Variants in DDHD1 observed in about 807,000 individuals in gnomAD.
The protein encoded by DDHD1 is phospholipase DDHD1.
In DDHD1, 49 loss-of-function variants were observed where a neutral mutation model predicts 96.4. That is an observed-to-expected ratio of 0.51 (90% CI 0.40 to 0.64). The LOEUF is 0.64. Ranked by LOEUF, DDHD1 falls within the 30% of genes least tolerant of loss-of-function variation. The pLI is 0.00. For missense variants in DDHD1, 1,106 were observed against 1,161.2 expected (o/e 0.95, Z 0.69); for synonymous variants, 442 against 446.5 (o/e 0.99, Z 0.13).
At chr14:53,093,172 A>G (rs1318637064) in intron 3 of DDHD1, 144 bp downstream of exon 3, 14 of 746,242 alleles carry the variant, frequency 1.9e-5, no homozygotes, top group Non-Finnish European at 2.3e-5. Context: ...CAACTTAATA[A>G]AAGTTTCATT....
chr14:53,149,770 G>A (rs1017403557), intron 1 of DDHD1: 1 of 152,144 alleles, frequency 6.6e-6, no homozygotes, highest in African/African-American at 2.4e-5. Context: ...TTGGAGAAAG[G>A]GAAGTCCACA....
At chr14:53,118,650 T>C (rs1888737436) in intron 1 of DDHD1, among the ~76,000 whole-genome samples, 1 of 151,980 alleles carries the variant, frequency 6.6e-6, no homozygotes, top group South Asian at 2.1e-4. Context: ...CTCCAAGAAA[T>C]ATGGGACTAT....
chr14:53,048,966 AT>A (rs1321131747), intron 12 of DDHD1: 7 of 152,196 alleles, frequency 4.6e-5, no homozygotes, highest in African/African-American at 1.7e-4. Flanking sequence ...CCACTTCATA[AT>A]GTTTTCCTAG....
intron 2 of DDHD1, chr14:53,103,003 T>C (rs1328159897): frequency 1.3e-6 from 2 of 1,550,656 alleles, no homozygotes; most frequent in South Asian, 2.4e-5. Flanking sequence ...ATCTACAAAT[T>C]CTAATCTACC....
chr14:53,090,509 T>A (rs1886341700), intron 4 of DDHD1, among the ~76,000 whole-genome samples: 1 of 152,108 alleles, frequency 6.6e-6, no homozygotes, highest in Non-Finnish European at 1.5e-5. Flanking sequence ...ATTAAGAAAA[T>A]GTGACACATA....
chr14:53,061,255 T>C, intron 7 of DDHD1, 54 bp from the exon 8 acceptor site: 2 of 1,474,762 alleles, frequency 1.4e-6, no homozygotes, highest in African/African-American at 1.4e-5. Flanking sequence ...TTCATAAATA[T>C]TAGATGCTTG....
chr14:53,106,611 C>T (rs906298303), intron 1 of DDHD1, among the ~76,000 whole-genome samples: 17 of 152,092 alleles, frequency 1.1e-4, no homozygotes, highest in Non-Finnish European at 2.1e-4. Flanking sequence ...GAGCCAAGAT[C>T]ATGCCCCTGC....
At chr14:53,137,640 C>T (rs1890332748) in intron 1 of DDHD1, among the ~76,000 whole-genome samples, 2 of 151,962 alleles carry the variant, frequency 1.3e-5, no homozygotes, top group South Asian at 2.1e-4. Flanking sequence ...AATCACAGGG[C>T]TACAGGGCAA....
intron 1 of DDHD1, among the ~76,000 whole-genome samples, chr14:53,131,175 A>G (rs917235357): frequency 1.3e-5 from 2 of 152,106 alleles, no homozygotes; most frequent in Admixed American, 6.5e-5. Flanking sequence ...TAACTAAATT[A>G]TCTGCTTCCC....
chr14:53,090,267 CT>C (rs1381276142), intron 4 of DDHD1, among the ~76,000 whole-genome samples: 1 of 152,184 alleles, frequency 6.6e-6, no homozygotes, highest in East Asian at 1.9e-4. Flanking sequence ...CACTTTTACA[CT>C]GTTGGTGGGA....
At chr14:53,141,399 AAAGT>A (rs1286073689) in intron 1 of DDHD1, among the ~76,000 whole-genome samples, 3 of 152,356 alleles carry the variant, frequency 2.0e-5, no homozygotes, top group Non-Finnish European at 2.9e-5. Context: ...CAGAATTACC[AAAGT>A]AAGGTCTTCG....
rs760727829 is a variant in DDHD1 at position 53,103,776 on chromosome 14, A to T, written c.919T>A (p.Leu307Ile). The change falls in exon 2 of 13, where the codon TTA (leucine) becomes ATA (isoleucine). Residue 307 changes from leucine (L) to isoleucine (I), a missense_variant. Leu to Ile is a conservative substitution (Grantham distance 5, BLOSUM62 2). This residue lies in a region of DDHD1 where 650 missense variants were observed against 758.8 expected (regional missense o/e 0.86). Transcript: ENST00000673822. ...WQPLEEEESN[L>I]IEQEHLNCFR... is the part of the protein sequence containing the mutation. ...CAATTGAGATGTTCTTGCTCAATTA[A>T]ATTACTTTCTTCCTCTTCTAGAGGC... The T allele has an allele frequency of 6.2e-6, 10 of 1,613,688 alleles. No homozygotes were observed. Among genetic ancestry groups the T allele is most frequent in the Non-Finnish European group, 7.6e-6 (9 of 1,179,870 alleles).
At chr14:53,061,840 C>A (rs999504924) in intron 7 of DDHD1, among the ~76,000 whole-genome samples, 1 of 151,986 alleles carries the variant, frequency 6.6e-6, no homozygotes, top group African/African-American at 2.4e-5. Flanking sequence ...TCAAGACCAG[C>A]CTGGCCAACA....
intron 6 of DDHD1, 83 bp downstream of exon 6, chr14:53,072,514 A>C (rs1884592486): frequency 2.8e-6 from 2 of 726,342 alleles, no homozygotes; most frequent in Non-Finnish European, 4.2e-6. Context: ...ATTTGCTTAA[A>C]AAAAACATAA....
intron 2 of DDHD1, among the ~76,000 whole-genome samples, chr14:53,096,499 A>T (rs561049748): frequency 2.6e-5 from 4 of 152,090 alleles, no homozygotes; most frequent in Non-Finnish European, 5.9e-5. Flanking sequence ...AATTTTTAAA[A>T]AAGAACATAA....
intron 1 of DDHD1, among the ~76,000 whole-genome samples, chr14:53,116,761 T>A: frequency 6.6e-6 from 1 of 151,850 alleles, no homozygotes; most frequent in East Asian, 1.9e-4. Flanking sequence ...AATACCCACA[T>A]CAGAAAGCAA....
chr14:53,122,835 G>T (rs914680351), intron 1 of DDHD1, among the ~76,000 whole-genome samples: 1 of 151,814 alleles, frequency 6.6e-6, no homozygotes, highest in Non-Finnish European at 1.5e-5. Flanking sequence ...CCAAAGTACT[G>T]GGATTACAGG....
chr14:53,146,262 G>A (rs533975774), intron 1 of DDHD1, among the ~76,000 whole-genome samples: 2 of 152,160 alleles, frequency 1.3e-5, no homozygotes, highest in South Asian at 4.1e-4. Context: ...CCAGCACTTT[G>A]GGAGGCCAAG....
Position 53,063,156 on chromosome 14 carries a change from C to G in DDHD1, c.1553G>C (p.Cys518Ser). ...TTCTTCAAAGTCTGGATTCCGAGAA[C>G]AGAAAAGGGAATACAATCGATTCAG... ...QELNRLYSLF[C>S]SRNPDFEEKG... Residue 518 changes from cysteine (C) to serine (S), a missense_variant, in exon 7 of 13, where the codon TGT (cysteine) becomes TCT (serine). Transcript: ENST00000673822. 1 of 1,613,916 alleles carries G rather than the reference C, an allele frequency of 6.2e-7. No homozygotes were observed. The highest frequency in any genetic ancestry group is 8.5e-7 in the Non-Finnish European group (1 of 1,179,960).
Sources: gnomAD v4.1 joint callset for allele counts (sites outside exome capture counted in the v4.1 genomes callset) on GRCh38, gnomAD v4.1.1 for gene constraint, gnomAD v4.1.1 regional missense constraint, MANE v1.5 for transcripts, NCBI Gene and HGNC (gene_info 2026-07-23, HGNC 2026-07-21) for gene names.